Variants in PRKCE observed in about 807,000 individuals in gnomAD.
PRKCE encodes the protein protein kinase C epsilon type.
Under a neutral mutation model 85.4 loss-of-function variants are expected in PRKCE, and 16 were observed. That is an observed-to-expected ratio of 0.19 (90% confidence interval 0.13 to 0.28). PRKCE has a LOEUF of 0.28. Among genes scored for constraint, PRKCE ranks in the 10% least tolerant of loss-of-function variants. The pLI is 1.00. For missense variants in PRKCE, 573 were observed against 975.2 expected, an observed-to-expected ratio of 0.59 and a Z score of 5.49; for synonymous variants, 388 against 371.5, an observed-to-expected ratio of 1.04 and a Z score of -0.51.
At chr2:46,070,775 G>A (rs6742737) in intron 10 of PRKCE, among the ~76,000 whole-genome samples, 64,978 of 152,094 alleles carry the variant, frequency 0.43, 15,044 homozygotes, top group East Asian at 0.96. Context: ...TTCTGGCTGT[G>A]CTACTTACTA....
At chr2:45,968,207 A>C (rs1446460797) in intron 2 of PRKCE, among the ~76,000 whole-genome samples, 7 of 151,902 alleles carry the variant, frequency 4.6e-5, no homozygotes, top group Non-Finnish European at 1.0e-4. Context: ...TATGGAATCA[A>C]TCTAAGTGCT....
chr2:46,058,161 T>C (rs13001074), intron 10 of PRKCE, among the ~76,000 whole-genome samples: 28,025 of 152,244 alleles, frequency 0.18, 3,104 homozygotes, highest in Non-Finnish European at 0.25. Context: ...TAAAGTGGCC[T>C]GCATAGGTGC....
intron 11 of PRKCE, among the ~76,000 whole-genome samples, chr2:46,102,779 G>C (rs1671360986): frequency 6.6e-6 from 1 of 152,154 alleles, no homozygotes; most frequent in Admixed American, 6.5e-5. Context: ...TTATGGATTA[G>C]ACAGGAATAC....
chr2:46,075,715 C>T (rs1456737020), intron 10 of PRKCE, among the ~76,000 whole-genome samples: 1 of 152,178 alleles, frequency 6.6e-6, no homozygotes, highest in East Asian at 1.9e-4. Flanking sequence ...AGCCACTGCA[C>T]TCCAGCCTGG....
chr2:45,745,843 A>T (rs1278149174), intron 1 of PRKCE, among the ~76,000 whole-genome samples: 1 of 152,116 alleles, frequency 6.6e-6, no homozygotes, highest in Admixed American at 6.5e-5. Flanking sequence ...TTCAGCATCG[A>T]ATTTCTTTTC....
At chr2:45,846,335 G>A (rs745667217) in intron 2 of PRKCE, among the ~76,000 whole-genome samples, 2 of 152,100 alleles carry the variant, frequency 1.3e-5, no homozygotes, top group African/African-American at 2.4e-5. Context: ...CAGGCTTACC[G>A]ATGAGAGACG....
chr2:45,945,301 A>G (rs542492752), intron 2 of PRKCE, among the ~76,000 whole-genome samples: 85 of 152,286 alleles, frequency 5.6e-4, no homozygotes, highest in Non-Finnish European at 1.0e-3. Context: ...GGGCCTCAGG[A>G]AGCTTACGAT....
chr2:45,896,788 A>G (rs1022959208), intron 2 of PRKCE, among the ~76,000 whole-genome samples: 1 of 152,208 alleles, frequency 6.6e-6, no homozygotes, highest in Non-Finnish European at 1.5e-5. Context: ...AAGCAAGGAC[A>G]TATGAGAAAA....
At position 46,020,598 on chromosome 2, in the gene PRKCE, AT is replaced by A. The variant is rs747903962; in HGVS notation, c.1437+10082del. 1.2e-4 allele frequency among the ~76,000 whole-genome samples: 18 copies of A among 152,296 alleles called. No individual in the cohort carries two copies. In the South Asian group the frequency reaches 2.3e-3, roughly 19 times the overall value. ...CTCAGTAACATATTTCATTGTTTAG[AT>A]CACGCACAGAAGTGCCTGCTGATGT... On this transcript the variant is annotated intron_variant, in intron 10 of 14. Transcript: ENST00000306156.
chr2:46,117,589 A>C (rs571199348), intron 11 of PRKCE, among the ~76,000 whole-genome samples: 3 of 152,122 alleles, frequency 2.0e-5, no homozygotes, highest in Admixed American at 1.3e-4. Flanking sequence ...TGAGTCAGAC[A>C]CTCCTGGGAT....
At chr2:45,823,606 G>C (rs1340581568) in intron 1 of PRKCE, among the ~76,000 whole-genome samples, 2 of 152,208 alleles carry the variant, frequency 1.3e-5, no homozygotes, top group Non-Finnish European at 2.9e-5. Flanking sequence ...GAGCAGAAAG[G>C]AAGCCAGGAG....
At chr2:46,029,304 C>G (rs1201173766) in intron 10 of PRKCE, among the ~76,000 whole-genome samples, 1 of 152,162 alleles carries the variant, frequency 6.6e-6, no homozygotes, top group Non-Finnish European at 1.5e-5. Context: ...TTCCATTGTC[C>G]TAGTGTTCAT....
chr2:46,061,848 C>T (rs866068566), intron 10 of PRKCE, among the ~76,000 whole-genome samples: 3 of 113,612 alleles, frequency 2.6e-5, no homozygotes, highest in African/African-American at 1.2e-4. Flanking sequence ...CTTTTCTTTT[C>T]TTTTCTTTTT....
intron 12 of PRKCE, among the ~76,000 whole-genome samples, chr2:46,147,266 G>A (rs950737780): frequency 9.2e-5 from 14 of 152,168 alleles, no homozygotes; most frequent in Admixed American, 4.6e-4. Flanking sequence ...TGCTTTTCTC[G>A]TGTTCTTCGT....
At chr2:45,864,726 G>A (rs1170563561) in intron 2 of PRKCE, among the ~76,000 whole-genome samples, 1 of 152,226 alleles carries the variant, frequency 6.6e-6, no homozygotes, top group Non-Finnish European at 1.5e-5. Flanking sequence ...GATATTTCAT[G>A]TATAATTGTT....
intron 10 of PRKCE, among the ~76,000 whole-genome samples, chr2:46,080,186 A>C (rs1364186604): frequency 1.3e-5 from 2 of 152,200 alleles, no homozygotes; most frequent in Non-Finnish European, 1.5e-5. Flanking sequence ...TTACGTAATT[A>C]AGCAGTTCTC....
chr2:46,012,528 T>G (rs1228400484), intron 10 of PRKCE, among the ~76,000 whole-genome samples: 1 of 152,114 alleles, frequency 6.6e-6, no homozygotes, highest in African/African-American at 2.4e-5. Flanking sequence ...ACCCTCCCAC[T>G]TCCCCCTGTC....
Position 46,093,565 on chromosome 2 carries a change from G to A in PRKCE, c.1592+7203G>A, listed in dbSNP as rs116243046. Among the ~76,000 whole-genome samples, 373 of 137,512 alleles carry A rather than the reference G, an allele frequency of 2.7e-3. 3 individuals carry two copies. The highest frequency in any genetic ancestry group is 9.7e-3 in the African/African-American group (351 of 36,340). 90.2% of individuals were successfully genotyped at this position (137,512 alleles called of 152,430 possible). Reference sequence around the variant, plus strand: ...TTTTTTTGAGATAGGGTCTTGCTCTGTTGTCCAGGCTGCCATGCAGTGTTA... The same window carrying A: ...TTTTTTTGAGATAGGGTCTTGCTCTATTGTCCAGGCTGCCATGCAGTGTTA... On this transcript the variant is annotated intron_variant, in intron 11 of 14. Transcript: ENST00000306156.
At chr2:46,053,006 G>A (rs989626707) in intron 10 of PRKCE, among the ~76,000 whole-genome samples, 4 of 152,164 alleles carry the variant, frequency 2.6e-5, no homozygotes, top group Admixed American at 6.5e-5. Flanking sequence ...CGTAAGAGCC[G>A]GTCACCCAAC....
Sources: allele counts gnomAD v4.1 joint callset (sites outside exome capture counted in the v4.1 genomes callset), GRCh38; gene constraint gnomAD v4.1.1; transcripts MANE v1.5; gene names NCBI Gene and HGNC (gene_info 2026-07-23, HGNC 2026-07-21).